Variants in SLC71A2 observed in about 807,000 individuals in gnomAD.
SLC71A2 encodes hippocampus abundant transcript-like 1.
the SLC71A2 span, among the ~76,000 whole-genome samples, chr9:94,382,585 C>T: frequency 6.6e-6 from 1 of 151,786 alleles, no homozygotes; most frequent in Non-Finnish European, 1.5e-5. Context: ...TCAATTTGCT[C>T]TTTTATAGAT....
At chr9:94,389,752 G>A in the SLC71A2 span, among the ~76,000 whole-genome samples, 1 of 151,902 alleles carries the variant, frequency 6.6e-6, no homozygotes, top group South Asian at 2.1e-4. Context: ...GACTATAGGT[G>A]TGCACCACCA....
the SLC71A2 span, among the ~76,000 whole-genome samples, chr9:94,377,791 A>G: frequency 6.6e-6 from 1 of 151,910 alleles, no homozygotes; most frequent in Admixed American, 6.6e-5. Flanking sequence ...ATTTACTCCA[A>G]GAGATCATTT....
chr9:94,439,021 C>CTTTTTTTT, the SLC71A2 span, among the ~76,000 whole-genome samples: 5 of 75,842 alleles, frequency 6.6e-5, no homozygotes, highest in African/African-American at 1.0e-4. Context: ...AATTTGAGTT[C>CTTTTTTTT]GTTTTTTTTT....
chr9:94,444,598 G>C, the SLC71A2 span, among the ~76,000 whole-genome samples: 1 of 152,028 alleles, frequency 6.6e-6, no homozygotes, highest in African/African-American at 2.4e-5. Flanking sequence ...TCACATCCCC[G>C]GTCCCCAGTT....
At chr9:94,455,377 G>GTTTTTT in the SLC71A2 span, among the ~76,000 whole-genome samples, 20 of 66,400 alleles carry the variant, frequency 3.0e-4, 1 homozygote, top group South Asian at 2.7e-3. Context: ...CTAATATTCT[G>GTTTTTT]ATTTTTTTTT....
At chr9:94,454,042 G>A in the SLC71A2 span, 3 of 1,613,806 alleles carry the variant, frequency 1.9e-6, no homozygotes, top group Non-Finnish European at 2.5e-6. Context: ...GCTCCAGTTA[G>A]CCTGGTACGG....
the SLC71A2 span, among the ~76,000 whole-genome samples, chr9:94,375,441 T>G: frequency 6.6e-6 from 1 of 151,534 alleles, no homozygotes; most frequent in African/African-American, 2.4e-5. Flanking sequence ...CTGGCCTCTT[T>G]CTCCAGTTTT....
chr9:94,424,659 C>G, the SLC71A2 span, among the ~76,000 whole-genome samples: 51 of 150,384 alleles, frequency 3.4e-4, 1 homozygote, highest in Middle Eastern at 0.01. Context: ...AAATAATCTG[C>G]TAAGAATTTT....
chr9:94,431,952 A>G, the SLC71A2 span, among the ~76,000 whole-genome samples: 2 of 152,190 alleles, frequency 1.3e-5, no homozygotes, highest in South Asian at 2.1e-4. Flanking sequence ...TGGCACTTGT[A>G]GCTGGTCTGA....
the SLC71A2 span, among the ~76,000 whole-genome samples, chr9:94,424,771 A>C: frequency 9.2e-6 from 1 of 109,252 alleles, no homozygotes; most frequent in Non-Finnish European, 1.8e-5. Flanking sequence ...TGAGAGTCTC[A>C]CTCTGTTGCC....
chr9:94,456,811 G>A, the SLC71A2 span, among the ~76,000 whole-genome samples: 1 of 152,164 alleles, frequency 6.6e-6, no homozygotes, highest in Non-Finnish European at 1.5e-5. Flanking sequence ...GATAGATGTT[G>A]AGTGAGAGAT....
the SLC71A2 span, among the ~76,000 whole-genome samples, chr9:94,417,849 TCCCACCCCACCCCCCCCCC>T: frequency 1.9e-5 from 1 of 51,586 alleles, no homozygotes; most frequent in Non-Finnish European, 4.4e-5. Context: ...ATAGGCAAGT[TCCCACCCCACCCCCCCCCC>T]CCCCCCCCGA....
chr9:94,458,543 A>C, the SLC71A2 span: 1 of 1,370,042 alleles, frequency 7.3e-7, no homozygotes, highest in Non-Finnish European at 1.0e-6. Context: ...AAATTTGGAG[A>C]GCATTCTTTC....
the SLC71A2 span, among the ~76,000 whole-genome samples, chr9:94,436,904 A>G: frequency 1.3e-5 from 2 of 152,248 alleles, no homozygotes; most frequent in Admixed American, 6.5e-5. Flanking sequence ...GTACAGAGAT[A>G]AGAAGAAATG....
At chr9:94,396,466 G>A in the SLC71A2 span, among the ~76,000 whole-genome samples, 24 of 152,348 alleles carry the variant, frequency 1.6e-4, no homozygotes, top group East Asian at 4.6e-3. Context: ...AGTGAGGTGA[G>A]ATTGCACCAT....
At chr9:94,409,497 A>G in the SLC71A2 span, among the ~76,000 whole-genome samples, 1 of 151,958 alleles carries the variant, frequency 6.6e-6, no homozygotes, top group Non-Finnish European at 1.5e-5. Flanking sequence ...TCACGTTTGT[A>G]TCTGCTCTGA....
At chr9:94,410,999 C>T in the SLC71A2 span, among the ~76,000 whole-genome samples, 25 of 152,228 alleles carry the variant, frequency 1.6e-4, no homozygotes, top group African/African-American at 5.3e-4. Flanking sequence ...ATGCCTGCCT[C>T]GGCCTCACAA....
chr9:94,419,298 C>CTTTT, the SLC71A2 span, among the ~76,000 whole-genome samples: 2 of 132,664 alleles, frequency 1.5e-5, no homozygotes, highest in Non-Finnish European at 3.2e-5. Context: ...ACTTTTTTTT[C>CTTTT]TTTTTTTTTT....
the SLC71A2 span, among the ~76,000 whole-genome samples, chr9:94,436,958 G>A: frequency 6.6e-6 from 1 of 152,182 alleles, no homozygotes; most frequent in Non-Finnish European, 1.5e-5. Flanking sequence ...CAGTAGAGAA[G>A]ATAGACAAAT....
Sources: allele counts gnomAD v4.1 joint callset (sites outside exome capture counted in the v4.1 genomes callset), GRCh38; gene constraint gnomAD v4.1.1; transcripts MANE v1.5; gene names NCBI Gene and HGNC (gene_info 2026-07-23, HGNC 2026-07-21).